Variants in XRN2 observed in about 807,000 individuals in gnomAD.
XRN2 encodes the protein DHM1-like protein.
XRN2 carries 44 observed loss-of-function variants against 138.5 expected under a neutral mutation model. The ratio of observed to expected loss-of-function variants is 0.32; its 90% CI spans 0.25 to 0.41. The LOEUF is 0.41. XRN2 is among the 10% of genes least tolerant of loss of function. The pLI is 1.00. For missense variants in XRN2, 937 were observed against 1,169.3 expected (o/e 0.80, Z 2.90); for synonymous variants, 354 against 369.4 (o/e 0.96, Z 0.48).
At chr20:21,314,265 T>C (rs2037927319) in intron 1 of XRN2, among the ~76,000 whole-genome samples, 1 of 152,244 alleles carries the variant, frequency 6.6e-6, no homozygotes, top group African/African-American at 2.4e-5. Context: ...GTCGCAGTAC[T>C]TTATTATTTG....
chr20:21,363,935 T>C (rs993694989), intron 24 of XRN2, among the ~76,000 whole-genome samples: 1 of 152,178 alleles, frequency 6.6e-6, no homozygotes, highest in African/African-American at 2.4e-5. Flanking sequence ...ATTCTGTTAC[T>C]AAATTTTTTT....
At chr20:21,365,939 A>G (rs1185295590) in intron 26 of XRN2, among the ~76,000 whole-genome samples, 1 of 111,188 alleles carries the variant, frequency 9.0e-6, no homozygotes, top group Admixed American at 1.1e-4. Flanking sequence ...ATAAAATTAT[A>G]AATTTATATA....
intron 24 of XRN2, among the ~76,000 whole-genome samples, chr20:21,363,194 G>C (rs1161757879): frequency 1.3e-5 from 2 of 152,124 alleles, no homozygotes; most frequent in Non-Finnish European, 2.9e-5. Flanking sequence ...CATCTTTTCT[G>C]TGCCTGTTGT....
intron 13 of XRN2, among the ~76,000 whole-genome samples, chr20:21,336,828 G>A (rs764587902): frequency 1.2e-4 from 19 of 152,214 alleles, no homozygotes; most frequent in Non-Finnish European, 2.4e-4. Context: ...AAAAGGTGAC[G>A]AGAGATGGCC....
chr20:21,322,471 TG>T (rs1052410215), intron 1 of XRN2, among the ~76,000 whole-genome samples: 1 of 152,208 alleles, frequency 6.6e-6, no homozygotes. Flanking sequence ...TTGTATGGTT[TG>T]GCATATGACT....
chr20:21,319,208 T>G, intron 1 of XRN2, among the ~76,000 whole-genome samples: 1 of 152,150 alleles, frequency 6.6e-6, no homozygotes, highest in African/African-American at 2.4e-5. Context: ...CACTCCAGTT[T>G]TCTTGTGGTT....
At chr20:21,344,005 A>T (rs1282020978) in intron 15 of XRN2, 85 bp from the exon 16 acceptor site, 1 of 937,014 alleles carries the variant, frequency 1.1e-6, no homozygotes, top group Admixed American at 1.9e-5. Flanking sequence ...ACTGTGAAAC[A>T]TGGTAAGTAG....
At chr20:21,332,212 C>T in intron 8 of XRN2, 71 bp from the exon 9 acceptor site, 1 of 1,536,126 alleles carries the variant, frequency 6.5e-7, no homozygotes, top group Non-Finnish European at 8.8e-7. Context: ...GTTGGCATCT[C>T]ATAGTAGTTT....
intron 14 of XRN2, among the ~76,000 whole-genome samples, chr20:21,340,105 A>G (rs1600692653): frequency 6.6e-6 from 1 of 152,162 alleles, no homozygotes; most frequent in African/African-American, 2.4e-5. Flanking sequence ...GTTAAATTCT[A>G]GCAAGGCAAA....
chr20:21,351,771 A>G (rs1264937650), intron 20 of XRN2, among the ~76,000 whole-genome samples: 2 of 152,154 alleles, frequency 1.3e-5, no homozygotes, highest in Non-Finnish European at 2.9e-5. Flanking sequence ...ATATGGTGTA[A>G]AGTAATGGTC....
chr20:21,326,669 AAAGT>A, intron 3 of XRN2, 68 bp downstream of exon 3: 1 of 1,223,838 alleles, frequency 8.2e-7, no homozygotes, highest in Admixed American at 2.4e-5. Flanking sequence ...GTCTAGAATG[AAAGT>A]CAGCTAAATA....
At chr20:21,315,633 C>A (rs895305666) in intron 1 of XRN2, among the ~76,000 whole-genome samples, 3 of 152,178 alleles carry the variant, frequency 2.0e-5, no homozygotes, top group African/African-American at 7.2e-5. Flanking sequence ...GCTGGGACTA[C>A]AGGCAGGCAC....
intron 3 of XRN2, among the ~76,000 whole-genome samples, chr20:21,326,813 G>A (rs576464883): frequency 5.5e-4 from 84 of 152,270 alleles, no homozygotes; most frequent in African/African-American, 2.0e-3. Context: ...GGGGATGTTG[G>A]CGACTGCCCT....
intron 15 of XRN2, among the ~76,000 whole-genome samples, chr20:21,343,342 GTTAA>G (rs1435911451): frequency 3.4e-4 from 51 of 152,064 alleles, no homozygotes; most frequent in Non-Finnish European, 7.2e-4. Flanking sequence ...AACGTATTAT[GTTAA>G]TTGAGTTAGG....
chr20:21,336,440 C>T (rs563178530), intron 13 of XRN2, among the ~76,000 whole-genome samples: 2 of 152,116 alleles, frequency 1.3e-5, no homozygotes, highest in Admixed American at 6.5e-5. Flanking sequence ...CCAGCCAGGG[C>T]GACAGAGCAA....
At chr20:21,363,446 A>T (rs1295715767) in intron 24 of XRN2, among the ~76,000 whole-genome samples, 1 of 152,188 alleles carries the variant, frequency 6.6e-6, no homozygotes, top group Non-Finnish European at 1.5e-5. Context: ...CAAATACTTA[A>T]CTACCATTTT....
rs750821146 is a variant in XRN2, at chr20:21,330,527, C to T, written c.474C>T (p.Asn158=). Residue 158 remains asparagine, a synonymous_variant, in exon 5 of 30, where the codon AAC becomes AAT. Coordinates refer to ENST00000377191, the MANE Select transcript of XRN2 (RefSeq NM_012255.5). The stretch of plus-strand genomic sequence containing the variant: ...AAATAAAAGAAAGATTTGACAGCAA[C>T]TGTATTACACCAGTAAGTAGTCTCA... ...PEEIKERFDS[N]CITPGTEFMD... is the part of the protein sequence containing the mutation. 3.1e-6 allele frequency: 5 copies of T among 1,613,766 alleles called. No homozygotes were observed. The East Asian group carries it at 8.9e-5, about 29-fold the overall frequency.
intron 11 of XRN2, 28 bp downstream of exon 11, chr20:21,333,865 C>T (rs759070496): frequency 2.7e-5 from 43 of 1,614,026 alleles, no homozygotes; most frequent in South Asian, 2.1e-4. Context: ...GCTTTTCAAA[C>T]GACTGTTTTA....
intron 9 of XRN2, 40 bp from the exon 10 acceptor site, chr20:21,333,504 G>A (rs372543597): frequency 1.1e-5 from 17 of 1,597,596 alleles, no homozygotes; most frequent in East Asian, 2.3e-5. Context: ...ATTACTGGAC[G>A]TAGAGTAGAC....
Sources: gnomAD v4.1 joint callset for allele counts (sites outside exome capture counted in the v4.1 genomes callset) on GRCh38, gnomAD v4.1.1 for gene constraint, MANE v1.5 for transcripts, NCBI Gene and HGNC (gene_info 2026-07-23, HGNC 2026-07-21) for gene names.